The following ARID4B variants were observed in gnomAD, a reference collection of about 807,000 sequenced individuals.
ARID4B encodes the protein AT-rich interaction domain 4B.
A neutral mutation model predicts 147.5 loss-of-function variants in ARID4B; 26 were observed. The observed-to-expected ratio is 0.18, with a 90% CI of 0.13 to 0.24. The LOEUF (loss-of-function observed/expected upper bound fraction) is 0.24, where lower values mean the gene tolerates loss of function less well. Among genes scored for constraint, ARID4B ranks in the 10% least tolerant of loss-of-function variants. The probability of loss-of-function intolerance (pLI) is 1.00; values close to 1 mark genes in which losing one functional copy is unlikely to be tolerated. For missense variants in ARID4B, 1,179 were observed against 1,511.5 expected (o/e 0.78, Z 3.65); for synonymous variants, 512 against 507.9 (o/e 1.01, Z -0.11).
chr1:235,263,813 C>T (rs532768490), intron 2 of ARID4B, among the ~76,000 whole-genome samples: 1 of 151,320 alleles, frequency 6.6e-6, no homozygotes, highest in East Asian at 1.9e-4. Flanking sequence ...CGGTGAAACC[C>T]CGTCTCTACT....
At chr1:235,248,788 T>C (rs1294231839) in intron 6 of ARID4B, among the ~76,000 whole-genome samples, 3 of 152,116 alleles carry the variant, frequency 2.0e-5, no homozygotes, top group South Asian at 2.1e-4. Context: ...TCCAGGAAAG[T>C]AGGGGCATGT....
chr1:235,266,977 A>G (rs1318682713), intron 2 of ARID4B, among the ~76,000 whole-genome samples: 1 of 152,240 alleles, frequency 6.6e-6, no homozygotes, highest in Non-Finnish European at 1.5e-5. Flanking sequence ...ATTAAATTTG[A>G]TCATAAAAAC....
At chr1:235,295,179 T>C (rs1276163827) in intron 2 of ARID4B, among the ~76,000 whole-genome samples, 3 of 152,192 alleles carry the variant, frequency 2.0e-5, no homozygotes, top group East Asian at 1.9e-4. Flanking sequence ...AATATAATGT[T>C]AATGTTGTTA....
intron 16 of ARID4B, among the ~76,000 whole-genome samples, chr1:235,215,019 AT>A (rs1245001130): frequency 1.3e-5 from 2 of 150,984 alleles, no homozygotes; most frequent in Admixed American, 6.6e-5. Flanking sequence ...TTTTTTTTGT[AT>A]TTTTAGTAGT....
intron 2 of ARID4B, among the ~76,000 whole-genome samples, chr1:235,322,196 T>G (rs1374759807): frequency 6.6e-6 from 1 of 151,960 alleles, no homozygotes; most frequent in Non-Finnish European, 1.5e-5. Flanking sequence ...GCCCTGCTAA[T>G]TTTGTATTTT....
At chr1:235,215,406 G>A (rs1666993768) in intron 16 of ARID4B, among the ~76,000 whole-genome samples, 1 of 151,558 alleles carries the variant, frequency 6.6e-6, no homozygotes, top group Non-Finnish European at 1.5e-5. Flanking sequence ...ACATCATAAG[G>A]CAGAACAACC....
chr1:235,248,199 G>A (rs1343847564), intron 6 of ARID4B, among the ~76,000 whole-genome samples: 1 of 151,960 alleles, frequency 6.6e-6, no homozygotes, highest in Non-Finnish European at 1.5e-5. Flanking sequence ...CCACAGGTGT[G>A]CACTATCACA....
intron 2 of ARID4B, among the ~76,000 whole-genome samples, chr1:235,275,038 GCT>G (rs1671232417): frequency 6.6e-6 from 1 of 151,062 alleles, no homozygotes. Flanking sequence ...CGCGCAGACC[GCT>G]CTGCCTATTC....
rs572057261 is a variant in ARID4B at position 235,174,975 on chromosome 1, G to A, written c.3664+209C>T. ...AAAAAAATTAGCTGGGTGTGGTGGC[G>A]CGTGCCTGTAATCCCAGCTACTTGG... On this transcript the variant is annotated intron_variant, in intron 22 of 23. Coordinates refer to ENST00000264183, the MANE Select transcript of ARID4B (RefSeq NM_016374.6). Among the ~76,000 whole-genome samples, 16 of 152,096 alleles carry A rather than the reference G, an allele frequency of 1.1e-4. No homozygotes were observed. The South Asian group carries it at 1.2e-3, about 12-fold the overall frequency.
intron 17 of ARID4B, among the ~76,000 whole-genome samples, chr1:235,202,554 AT>A (rs139745212): frequency 2.7e-5 from 4 of 146,644 alleles, no homozygotes; most frequent in African/African-American, 2.5e-5. Flanking sequence ...TGAAAAAAAA[AT>A]TTTTTTTTTT....
chr1:235,224,451 G>C (rs911102338), intron 12 of ARID4B, among the ~76,000 whole-genome samples: 2 of 152,166 alleles, frequency 1.3e-5, no homozygotes, highest in African/African-American at 2.4e-5. Flanking sequence ...GATAGGTAAA[G>C]GGATTGGCAG....
intron 2 of ARID4B, among the ~76,000 whole-genome samples, chr1:235,282,858 GCAAC>G (rs1485148408): frequency 3.3e-5 from 5 of 152,154 alleles, no homozygotes; most frequent in Admixed American, 2.6e-4. Context: ...TCGGCTCACT[GCAAC>G]CTCCGCCTAC....
chr1:235,233,022 G>C (rs1417725364), intron 9 of ARID4B, among the ~76,000 whole-genome samples: 2 of 152,090 alleles, frequency 1.3e-5, no homozygotes, highest in African/African-American at 4.8e-5. Flanking sequence ...ATTTTTAGTA[G>C]AGACGGAGTT....
intron 2 of ARID4B, among the ~76,000 whole-genome samples, chr1:235,284,129 A>C (rs964894615): frequency 3.3e-5 from 5 of 152,192 alleles, no homozygotes; most frequent in Non-Finnish European, 7.3e-5. Flanking sequence ...TGGAAGGCCT[A>C]GACAGGCAGA....
At chr1:235,176,824 A>G (rs1390134269) in intron 21 of ARID4B, 5 of 470,272 alleles carry the variant, frequency 1.1e-5, no homozygotes. Context: ...AAGTGCAGCC[A>G]AGCCGGCTGC....
intron 2 of ARID4B, among the ~76,000 whole-genome samples, chr1:235,286,055 G>GTTTTTTTTTT (rs1487268724): frequency 1.6e-5 from 2 of 125,790 alleles, no homozygotes; most frequent in Non-Finnish European, 3.3e-5. Context: ...GTTTTGTTTT[G>GTTTTTTTTTT]TTTTGTTTTG....
chr1:235,278,469 T>C (rs116222448), intron 2 of ARID4B, among the ~76,000 whole-genome samples: 1 of 152,066 alleles, frequency 6.6e-6, no homozygotes, highest in Non-Finnish European at 1.5e-5. Flanking sequence ...TAAAATAGTC[T>C]AGCATTTCCC....
chr1:235,249,970 G>C (rs1387472804), intron 6 of ARID4B, among the ~76,000 whole-genome samples: 4 of 151,012 alleles, frequency 2.6e-5, no homozygotes, highest in Non-Finnish European at 5.9e-5. Flanking sequence ...AGCCAGGCGT[G>C]GGGGCAGGTG....
chr1:235,278,779 T>C (rs1449484988), intron 2 of ARID4B, among the ~76,000 whole-genome samples: 1 of 152,240 alleles, frequency 6.6e-6, no homozygotes. Context: ...CTACCACTTT[T>C]GGCACACTGT....
Sources: allele counts gnomAD v4.1 joint callset (sites outside exome capture counted in the v4.1 genomes callset), GRCh38; gene constraint gnomAD v4.1.1; transcripts MANE v1.5; gene names NCBI Gene and HGNC (gene_info 2026-07-23, HGNC 2026-07-21).